The following ARHGAP8 variants were observed in gnomAD, a reference collection of about 807,000 sequenced individuals.
ARHGAP8 encodes the protein Rho GTPase activating protein 8, also known as rho GTPase-activating protein 8.
ARHGAP8 carries 62 observed loss-of-function variants against 46.1 expected under a neutral mutation model. The ratio of observed to expected loss-of-function variants is 1.34; its 90% CI spans 1.10 to 1.66. ARHGAP8 has a LOEUF of 1.66. Ranked by LOEUF, ARHGAP8 falls within the 40% of genes most tolerant of loss-of-function variation. The probability of loss-of-function intolerance (pLI) is 0.00; values close to 1 mark genes in which losing one functional copy is unlikely to be tolerated. For synonymous variants in ARHGAP8, 375 were observed against 243.1 expected (o/e 1.54, Z -5.05); for missense variants, 923 against 568.4 (o/e 1.62, Z -6.34).
chr22:44,835,156 A>G (rs987709775), intron 7 of ARHGAP8, among the ~76,000 whole-genome samples: 1 of 151,298 alleles, frequency 6.6e-6, no homozygotes, highest in South Asian at 2.1e-4. Context: ...TTGTTCCTTT[A>G]TGTCTTCATT....
intron 5 of ARHGAP8, among the ~76,000 whole-genome samples, chr22:44,820,446 C>T (rs1367022796): frequency 6.6e-6 from 1 of 152,198 alleles, no homozygotes; most frequent in African/African-American, 2.4e-5. Context: ...TCACACAGGA[C>T]GTTGACAGTA....
At chr22:44,807,483 G>A (rs1929015350) in intron 3 of ARHGAP8, among the ~76,000 whole-genome samples, 1 of 152,186 alleles carries the variant, frequency 6.6e-6, no homozygotes, top group Admixed American at 6.5e-5. Flanking sequence ...AGCTCACCTG[G>A]AGGGAAGGAA....
At chr22:44,759,460 A>C (rs1241610213) in intron 1 of ARHGAP8, among the ~76,000 whole-genome samples, 2 of 152,156 alleles carry the variant, frequency 1.3e-5, no homozygotes, top group Non-Finnish European at 2.9e-5. Context: ...CCCAAAGTCA[A>C]GGGGGGTGCA....
intron 2 of ARHGAP8, among the ~76,000 whole-genome samples, chr22:44,793,875 G>A (rs1927886334): frequency 6.6e-6 from 1 of 152,184 alleles, no homozygotes; most frequent in Non-Finnish European, 1.5e-5. Flanking sequence ...AACAGCGAAG[G>A]GTATTTACTC....
At chr22:44,754,466 G>T (rs752064049) in intron 1 of ARHGAP8, among the ~76,000 whole-genome samples, 1 of 151,738 alleles carries the variant, frequency 6.6e-6, no homozygotes, top group Non-Finnish European at 1.5e-5. Context: ...AGTGCTTCTC[G>T]TGCCTCAGCA....
chr22:44,775,360 G>A (rs186360033), intron 1 of ARHGAP8, among the ~76,000 whole-genome samples: 1 of 152,170 alleles, frequency 6.6e-6, no homozygotes, highest in Non-Finnish European at 1.5e-5. Flanking sequence ...CGGCCTCCTG[G>A]GTGGTAGCTT....
Position 44,858,131 on chromosome 22 carries a change from A to C in ARHGAP8, c.878-1600A>C, listed in dbSNP as rs117431893. On this transcript the variant is annotated intron_variant, in intron 10 of 11. Transcript: ENST00000356099. ...ATTTCATGGAATAATGGCTTTTATT[A>C]AGAAGCCAACAGGAATGATCATAGT... 5.8e-3 allele frequency among the ~76,000 whole-genome samples: 877 copies of C among 152,346 alleles called. 13 individuals are homozygous for C. Among genetic ancestry groups the C allele is most frequent in the East Asian group, 0.039 (203 of 5,182 alleles).
At chr22:44,856,638 G>GC (rs2070233822) in intron 10 of ARHGAP8, among the ~76,000 whole-genome samples, 1 of 144,386 alleles carries the variant, frequency 6.9e-6, no homozygotes, top group East Asian at 2.0e-4. Flanking sequence ...AGCCAAACTG[G>GC]CCATAAAGGC....
At chr22:44,768,466 ATTT>A (rs58497118) in intron 1 of ARHGAP8, among the ~76,000 whole-genome samples, 2 of 141,018 alleles carry the variant, frequency 1.4e-5, no homozygotes, top group East Asian at 2.1e-4. Flanking sequence ...CACTTGGCTA[ATTT>A]TTTTTTTTTT....
At chr22:44,821,939 C>A (rs1440941420) in intron 5 of ARHGAP8, among the ~76,000 whole-genome samples, 1 of 147,834 alleles carries the variant, frequency 6.8e-6, no homozygotes, top group Non-Finnish European at 1.5e-5. Context: ...AATGTGAAGC[C>A]ACCACTGACC....
At chr22:44,780,878 T>A (rs5765991) in intron 1 of ARHGAP8, among the ~76,000 whole-genome samples, 1 of 152,044 alleles carries the variant, frequency 6.6e-6, no homozygotes, top group Non-Finnish European at 1.5e-5. Flanking sequence ...AGAGCTACCC[T>A]ATAAGGTGCT....
chr22:44,790,676 CAAAAA>C (rs369579126), intron 2 of ARHGAP8, among the ~76,000 whole-genome samples: 5,837 of 49,588 alleles, frequency 0.12, 300 homozygotes, highest in African/African-American at 0.24. Context: ...AACTCTGTCT[CAAAAA>C]AAAAAAAAAA....
chr22:44,818,945 T>C lies in ARHGAP8; in HGVS notation c.387-3426T>C, dbSNP rs1929944176. 2.6e-5 allele frequency among the ~76,000 whole-genome samples: 4 copies of C among 152,236 alleles called. 1 individual carries two copies. Among genetic ancestry groups the C allele is most frequent in the African/African-American group, 9.6e-5 (4 of 41,554 alleles). The stretch of plus-strand genomic sequence containing the variant: ...AACTCCTGGCCTCAAGTGATCCTCC[T>C]TTCTCAGCCTCTCAAAGTGTTGGGA... On this transcript the variant is annotated intron_variant, in intron 5 of 11. Coordinates refer to ENST00000356099, the MANE Select transcript of ARHGAP8 (RefSeq NM_181335.3).
At chr22:44,860,999 C>A (rs74595378) in intron 11 of ARHGAP8, among the ~76,000 whole-genome samples, 669 of 57,356 alleles carry the variant, frequency 0.012, 2 homozygotes, top group African/African-American at 0.036. Context: ...ACTAAACTCT[C>A]CTAATTCTCT....
chr22:44,824,111 G>C (rs1480467142), intron 6 of ARHGAP8, among the ~76,000 whole-genome samples: 1 of 152,174 alleles, frequency 6.6e-6, no homozygotes, highest in East Asian at 1.9e-4. Flanking sequence ...AGCACCAGAG[G>C]CTGAGACCCA....
chr22:44,758,765 A>G (rs1321193861), intron 1 of ARHGAP8, among the ~76,000 whole-genome samples: 1 of 152,200 alleles, frequency 6.6e-6, no homozygotes, highest in Non-Finnish European at 1.5e-5. Context: ...GGTCCAAACC[A>G]CAGGCTCTTT....
intron 11 of ARHGAP8, among the ~76,000 whole-genome samples, chr22:44,861,034 T>G (rs1042417322): frequency 6.6e-6 from 1 of 152,224 alleles, no homozygotes; most frequent in Non-Finnish European, 1.5e-5. Context: ...GAGACAGTCT[T>G]GCTCTGTTGC....
chr22:44,817,556 C>G (rs1306424381), intron 5 of ARHGAP8, among the ~76,000 whole-genome samples: 1 of 152,182 alleles, frequency 6.6e-6, no homozygotes, highest in African/African-American at 2.4e-5. Context: ...GTAATCTCAG[C>G]ACTTTGGGAG....
At chr22:44,861,698 C>G (rs766750014) in intron 11 of ARHGAP8, among the ~76,000 whole-genome samples, 47 of 152,210 alleles carry the variant, frequency 3.1e-4, no homozygotes, top group Non-Finnish European at 6.0e-4. Flanking sequence ...CTGCCACTGG[C>G]TGGCCACATG....
Sources: gnomAD v4.1 joint callset for allele counts (sites outside exome capture counted in the v4.1 genomes callset) on GRCh38, gnomAD v4.1.1 for gene constraint, MANE v1.5 for transcripts, NCBI Gene and HGNC (gene_info 2026-07-23, HGNC 2026-07-21) for gene names.